The following OCLN variants were observed in gnomAD, a reference collection of about 807,000 sequenced individuals.
OCLN encodes occludin, also known as phosphatase 1, regulatory subunit 115.
A neutral mutation model predicts 47.9 loss-of-function variants in OCLN; 21 were observed. That is an observed-to-expected ratio of 0.44 (90% CI 0.31 to 0.63). The LOEUF (loss-of-function observed/expected upper bound fraction) is 0.63, where lower values mean the gene tolerates loss of function less well. Among genes scored for constraint, OCLN ranks in the 30% least tolerant of loss-of-function variants. OCLN has a pLI of 0.08. For synonymous variants in OCLN, 117 were observed against 198.4 expected, an observed-to-expected ratio of 0.59 and a Z score of 3.45; for missense variants, 360 against 571.0, an observed-to-expected ratio of 0.63 and a Z score of 3.77.
chr5:69,532,626 G>A (rs1456911555), intron 4 of OCLN, among the ~76,000 whole-genome samples: 2 of 151,856 alleles, frequency 1.3e-5, no homozygotes, highest in Non-Finnish European at 2.9e-5. Context: ...TAATTTAAAG[G>A]CTATTAGGTA....
At chr5:69,499,609 G>A (rs540629804) in intron 1 of OCLN, among the ~76,000 whole-genome samples, 9 of 150,568 alleles carry the variant, frequency 6.0e-5, no homozygotes, top group Admixed American at 3.3e-4. Context: ...TTTTTGAGCC[G>A]GAGTCTCGCT....
chr5:69,549,434 T>C (rs1466117783), intron 7 of OCLN, among the ~76,000 whole-genome samples: 4 of 146,984 alleles, frequency 2.7e-5, no homozygotes, highest in Non-Finnish European at 6.0e-5. Context: ...GAAATCCTTA[T>C]CACCAAAATA....
chr5:69,503,517 G>T (rs1044975375), intron 1 of OCLN, among the ~76,000 whole-genome samples: 1 of 152,176 alleles, frequency 6.6e-6, no homozygotes, highest in African/African-American at 2.4e-5. Flanking sequence ...CCCCAGCGCT[G>T]GCTGTCATAC....
rs201056955 is a variant in OCLN at position 69,553,979 on chromosome 5, C to T, written c.*308C>T. On this transcript the variant is annotated 3_prime_UTR_variant, in exon 9 of 9. Coordinates refer to ENST00000396442, the MANE Select transcript of OCLN (RefSeq NM_001205254.2). ...GTGAACTAAACTTTCACACCCCAGACGATGTCTTCATACCTACATGTATTT... is the reference window on the plus strand; with the variant it reads ...GTGAACTAAACTTTCACACCCCAGATGATGTCTTCATACCTACATGTATTT... The T allele has an allele frequency of 5.8e-3, 1,430 of 246,696 alleles. 22 individuals are homozygous for T. The highest frequency in any genetic ancestry group is 0.04 in the East Asian group (426 of 10,610). 15.3% of individuals were successfully genotyped at this position (246,696 alleles called of 1,614,324 possible).
At chr5:69,517,951 T>C (rs939511521) in intron 4 of OCLN, among the ~76,000 whole-genome samples, 7 of 152,200 alleles carry the variant, frequency 4.6e-5, no homozygotes, top group Non-Finnish European at 7.3e-5. Flanking sequence ...TAGTTTTCGT[T>C]GGCAGTTAGA....
chr5:69,521,060 C>A (rs1769124433), intron 4 of OCLN, among the ~76,000 whole-genome samples: 3 of 151,962 alleles, frequency 2.0e-5, no homozygotes, highest in Admixed American at 6.6e-5. Flanking sequence ...GTTGGTCGAA[C>A]TCCTGACCTC....
At chr5:69,498,516 A>G (rs1768366563) in intron 1 of OCLN, among the ~76,000 whole-genome samples, 1 of 151,994 alleles carries the variant, frequency 6.6e-6, no homozygotes, top group Non-Finnish European at 1.5e-5. Context: ...AAATCAGTTT[A>G]CATTTTAAAA....
rs1261890181 is a variant in OCLN, at chr5:69,557,386, C to T, written c.*3715C>T. The stretch of plus-strand genomic sequence containing the variant: ...AGTTAAGAAGGTAGTTAATGTGTGA[C>T]TCAGTCCTTGTCTAAAAGTAAATAT... On this transcript the variant is annotated 3_prime_UTR_variant, in exon 9 of 9. Transcript: ENST00000396442. The T allele has an allele frequency of 1.2e-5, 1 of 82,518 alleles. No individual in the cohort carries two copies. The highest frequency in any genetic ancestry group is 2.8e-5 in the African/African-American group (1 of 35,654). The allele number at this position is 82,518 out of a possible 1,614,324, so 5.1% of individuals were successfully genotyped here.
chr5:69,516,524 G>A (rs577499513), intron 4 of OCLN, among the ~76,000 whole-genome samples: 2 of 152,004 alleles, frequency 1.3e-5, no homozygotes, highest in African/African-American at 2.4e-5. Context: ...GAGAGGGAGA[G>A]GGGGGAGAGG....
In OCLN at chr5:69,553,652, A is replaced by G. The variant is rs775502641; in HGVS notation, c.1550A>G (p.Tyr517Cys). ...LSHIKKMVGD[Y>C]DRQKT ...CACATCAAGAAGATGGTTGGAGACTATGATAGACAGAAAACATAGAAGGCT... is the reference window on the plus strand; with the variant it reads ...CACATCAAGAAGATGGTTGGAGACTGTGATAGACAGAAAACATAGAAGGCT... Residue 517 changes from tyrosine (Y) to cysteine (C), a missense_variant, in exon 9 of 9, where the codon TAT becomes TGT. Coordinates refer to ENST00000396442, the MANE Select transcript of OCLN (RefSeq NM_001205254.2). 3 of 1,613,822 alleles carry G rather than the reference A, an allele frequency of 1.9e-6. No homozygotes were observed. The highest frequency in any genetic ancestry group is 2.2e-5 in the East Asian group (1 of 44,862).
rs1160942694 is a variant in OCLN, at chr5:69,493,432, G to A, written c.-69+532G>A. ...CCTTTGGATATCCCGGGGAGACGGG[G>A]GCTGGATTCAATCTGTGAAATATTC... is the stretch of plus-strand genomic sequence containing the variant. On this transcript the variant is annotated intron_variant, in intron 1 of 8. Transcript: ENST00000396442. This position sits in a 1 kb window ranked among gnomAD's most constrained non-coding sequence, Gnocchi z 5.3. 6.6e-6 allele frequency among the ~76,000 whole-genome samples: 1 copy of A among 152,172 alleles called. No individual in the cohort carries two copies. The highest frequency in any genetic ancestry group is 1.5e-5 in the Non-Finnish European group (1 of 68,024).
At chr5:69,501,773 G>C (rs536576258) in intron 1 of OCLN, among the ~76,000 whole-genome samples, 14 of 152,270 alleles carry the variant, frequency 9.2e-5, no homozygotes, top group Non-Finnish European at 2.1e-4. Context: ...TCATGTCTTT[G>C]GAAAATTATG....
At chr5:69,516,563 C>T (rs2112005629) in intron 4 of OCLN, among the ~76,000 whole-genome samples, 1 of 152,250 alleles carries the variant, frequency 6.6e-6, no homozygotes, top group East Asian at 1.9e-4. Context: ...ACATAGATAA[C>T]AGCATGACAA....
intron 1 of OCLN, among the ~76,000 whole-genome samples, chr5:69,495,087 C>G (rs145641989): frequency 1.3e-5 from 2 of 152,260 alleles, no homozygotes; most frequent in East Asian, 3.9e-4. Flanking sequence ...TTACTTTTAA[C>G]CACATAAATG....
chr5:69,509,801 T>C lies in OCLN; in HGVS notation c.711T>C (p.Cys237=). 6.2e-7 allele frequency: 1 copy of C among 1,613,812 alleles called. No homozygotes were observed. Among genetic ancestry groups the C allele is most frequent in the South Asian group, 1.1e-5 (1 of 91,082 alleles). The change falls in exon 3 of 9, where the codon TGT becomes TGC. Residue 237 remains cysteine (C), a synonymous_variant. Transcript: ENST00000396442. ...TGGATCAGTATTTGTATCACTACTG[T>C]GTTGTGGATCCCCAGGAGGTATGAG... ...LYVDQYLYHY[C]VVDPQEAIAI...
chr5:69,514,219 CA>C (rs1053616333), intron 4 of OCLN, 110 bp downstream of exon 4: 2 of 1,011,520 alleles, frequency 2.0e-6, no homozygotes, highest in African/African-American at 3.2e-5. Flanking sequence ...GTATATGTTG[CA>C]AAGGTTGTTG....
At chr5:69,536,073 T>C (rs1487446721) in intron 5 of OCLN, among the ~76,000 whole-genome samples, 3 of 152,202 alleles carry the variant, frequency 2.0e-5, no homozygotes, top group African/African-American at 2.4e-5. Flanking sequence ...GTGGAGATTG[T>C]GCCATTGCAC....
At chr5:69,518,340 A>G (rs1769034656) in intron 4 of OCLN, among the ~76,000 whole-genome samples, 1 of 152,190 alleles carries the variant, frequency 6.6e-6, no homozygotes, top group South Asian at 2.1e-4. Context: ...GATTTTGCCC[A>G]AACTAATGTT....
At chr5:69,525,847 T>C (rs1430453038) in intron 4 of OCLN, among the ~76,000 whole-genome samples, 3 of 152,146 alleles carry the variant, frequency 2.0e-5, no homozygotes, top group Non-Finnish European at 4.4e-5. Context: ...GATGGTATGA[T>C]AGAGGTCCTT....
Sources: allele counts gnomAD v4.1 joint callset (sites outside exome capture counted in the v4.1 genomes callset), GRCh38; gene constraint gnomAD v4.1.1; non-coding constraint Gnocchi (gnomAD v3.1); transcripts MANE v1.5; gene names NCBI Gene and HGNC (gene_info 2026-07-23, HGNC 2026-07-21).